The following FRMD3 variants were observed in gnomAD, a reference collection of about 807,000 sequenced individuals.
FRMD3 encodes the protein FERM domain containing 3, also known as FERM domain-containing protein 3.
Under a neutral mutation model 70.2 loss-of-function variants are expected in FRMD3, and 33 were observed. The ratio of observed to expected loss-of-function variants is 0.47; its 90% confidence interval spans 0.36 to 0.63. FRMD3 has a LOEUF of 0.63. Ranked by LOEUF, FRMD3 falls within the 20% of genes least tolerant of loss-of-function variation. FRMD3 has a pLI of 0.00. For missense variants in FRMD3, 632 were observed against 711.4 expected (o/e 0.89, Z 1.27); for synonymous variants, 279 against 255.9 (o/e 1.09, Z -0.86).
At chr9:83,285,681 A>G (rs1834176970) in intron 13 of FRMD3, among the ~76,000 whole-genome samples, 4 of 152,190 alleles carry the variant, frequency 2.6e-5, no homozygotes, top group Admixed American at 2.0e-4. Context: ...CCATAATGAG[A>G]ACATATACTC....
At chr9:83,424,203 G>A (rs11140077) in intron 1 of FRMD3, among the ~76,000 whole-genome samples, 12,831 of 152,152 alleles carry the variant, frequency 0.084, 617 homozygotes, top group South Asian at 0.2. Context: ...CCTGTTCAAC[G>A]CTGGCCTTGA....
chr9:83,578,546 C>T, the FRMD3 span, among the ~76,000 whole-genome samples: 7 of 151,708 alleles, frequency 4.6e-5, no homozygotes, highest in African/African-American at 1.7e-4. Context: ...ATGTGATATA[C>T]CACATTTACA....
the FRMD3 span, among the ~76,000 whole-genome samples, chr9:83,573,646 C>G: frequency 1.2e-4 from 19 of 152,140 alleles, no homozygotes; most frequent in African/African-American, 4.6e-4. Flanking sequence ...CTTGCTGCAT[C>G]CAGCTTCCTC....
chr9:83,554,828 G>A, the FRMD3 span, among the ~76,000 whole-genome samples: 3 of 152,172 alleles, frequency 2.0e-5, no homozygotes, highest in Admixed American at 2.0e-4. Context: ...GAGGAGATAT[G>A]GGATCAGGCA....
chr9:83,427,910 A>G (rs1826857175), intron 1 of FRMD3, among the ~76,000 whole-genome samples: 1 of 152,194 alleles, frequency 6.6e-6, no homozygotes, highest in Non-Finnish European at 1.5e-5. Flanking sequence ...GTTTGGTGGG[A>G]TGCAGAGAAA....
At chr9:83,265,842 G>A (rs961004674) in intron 13 of FRMD3, among the ~76,000 whole-genome samples, 3 of 152,068 alleles carry the variant, frequency 2.0e-5, no homozygotes, top group African/African-American at 4.8e-5. Flanking sequence ...GTTACAATTC[G>A]TATATCCTTC....
the FRMD3 span, among the ~76,000 whole-genome samples, chr9:83,563,127 G>C: frequency 6.6e-6 from 1 of 152,198 alleles, no homozygotes. Flanking sequence ...ATCTAGGATA[G>C]AGTCTTTTAT....
chr9:83,419,740 G>A (rs1291232734), intron 1 of FRMD3, among the ~76,000 whole-genome samples: 1 of 152,076 alleles, frequency 6.6e-6, no homozygotes, highest in Non-Finnish European at 1.5e-5. Flanking sequence ...ACAAGAAAGA[G>A]CTGGGAAGCA....
At chr9:83,501,398 A>G (rs1176250286) in intron 1 of FRMD3, among the ~76,000 whole-genome samples, 2 of 152,228 alleles carry the variant, frequency 1.3e-5, no homozygotes, top group African/African-American at 4.8e-5. Flanking sequence ...CCTTATATAC[A>G]TATAAGGTAC....
chr9:83,579,462 G>T, the FRMD3 span, among the ~76,000 whole-genome samples: 1 of 151,920 alleles, frequency 6.6e-6, no homozygotes, highest in East Asian at 1.9e-4. Context: ...AGAATAGAAA[G>T]ACTGTAAATA....
chr9:83,295,587 T>C (rs935134616), intron 12 of FRMD3, among the ~76,000 whole-genome samples: 2 of 152,234 alleles, frequency 1.3e-5, no homozygotes, highest in African/African-American at 2.4e-5. Flanking sequence ...TCTCATGTTA[T>C]AGATGAGTAC....
At chr9:83,440,998 G>A (rs1247194133) in intron 1 of FRMD3, among the ~76,000 whole-genome samples, 3 of 152,178 alleles carry the variant, frequency 2.0e-5, no homozygotes, top group African/African-American at 4.8e-5. Context: ...GAGCCAGTGA[G>A]AGACTCACCA....
At chr9:83,570,930 C>T in the FRMD3 span, among the ~76,000 whole-genome samples, 1 of 152,082 alleles carries the variant, frequency 6.6e-6, no homozygotes, top group African/African-American at 2.4e-5. Context: ...AAAGACTGCA[C>T]ATAAGGTAAA....
the FRMD3 span, among the ~76,000 whole-genome samples, chr9:83,545,652 C>T: frequency 0.22 from 34,007 of 151,782 alleles, 4,503 homozygotes; most frequent in Middle Eastern, 0.39. Flanking sequence ...CCACCACACC[C>T]GGCCGAGAAA....
intron 1 of FRMD3, among the ~76,000 whole-genome samples, chr9:83,427,663 A>T (rs1826849616): frequency 6.6e-6 from 1 of 151,970 alleles, no homozygotes; most frequent in Non-Finnish European, 1.5e-5. Flanking sequence ...ATAAGTATTT[A>T]TATATATATG....
At chr9:83,473,300 C>T (rs1303985527) in intron 1 of FRMD3, among the ~76,000 whole-genome samples, 1 of 152,170 alleles carries the variant, frequency 6.6e-6, no homozygotes, top group Admixed American at 6.5e-5. Flanking sequence ...CTCTTGCCAA[C>T]TCTAAATCCA....
chr9:83,384,863 AC>A (rs1321857709), intron 2 of FRMD3, among the ~76,000 whole-genome samples: 3 of 152,118 alleles, frequency 2.0e-5, no homozygotes, highest in Non-Finnish European at 4.4e-5. Flanking sequence ...CAAAGTTAAA[AC>A]CAAAAGCATT....
chr9:83,341,321 G>A (rs1413191847), intron 5 of FRMD3, among the ~76,000 whole-genome samples: 1 of 152,174 alleles, frequency 6.6e-6, no homozygotes, highest in Non-Finnish European at 1.5e-5. Flanking sequence ...TAATAGCAAT[G>A]AGGGATAAAA....
At chr9:83,449,446 G>A (rs986975587) in intron 1 of FRMD3, among the ~76,000 whole-genome samples, 1 of 152,100 alleles carries the variant, frequency 6.6e-6, no homozygotes, top group Admixed American at 6.5e-5. Flanking sequence ...GAGGTCATGG[G>A]GTTTATTGTA....
Sources: gnomAD v4.1 joint callset for allele counts (sites outside exome capture counted in the v4.1 genomes callset) on GRCh38, gnomAD v4.1.1 for gene constraint, MANE v1.5 for transcripts, NCBI Gene and HGNC (gene_info 2026-07-23, HGNC 2026-07-21) for gene names.